HS3ST4: variants seen among roughly 807,000 people sequenced by gnomAD.
HS3ST4 encodes heparan sulfate-glucosamine 3-sulfotransferase 4, also known as heparan sulfate glucosamine 3-O-sulfotransferase 4.
In HS3ST4, 17 loss-of-function variants were observed where a neutral mutation model predicts 29.2. That is an observed-to-expected ratio of 0.58 (90% confidence interval 0.40 to 0.87). HS3ST4 has a LOEUF of 0.87. Among genes scored for constraint, HS3ST4 ranks in the 40% least tolerant of loss-of-function variants. The probability of loss-of-function intolerance (pLI) is 0.00; values close to 1 mark genes in which losing one functional copy is unlikely to be tolerated. For synonymous variants in HS3ST4, 314 were observed against 285.7 expected, an observed-to-expected ratio of 1.10 and a Z score of -1.00; for missense variants, 627 against 634.5, an observed-to-expected ratio of 0.99 and a Z score of 0.13.
chr16:26,122,793 C>T (rs1037317026), intron 1 of HS3ST4, among the ~76,000 whole-genome samples: 2 of 152,016 alleles, frequency 1.3e-5, no homozygotes, highest in Admixed American at 6.6e-5. Flanking sequence ...TGGTGGCTCA[C>T]GTCTGAAATC....
chr16:25,845,158 T>TA (rs1244974626), intron 1 of HS3ST4, among the ~76,000 whole-genome samples: 1 of 152,110 alleles, frequency 6.6e-6, no homozygotes, highest in Non-Finnish European at 1.5e-5. Flanking sequence ...ACACCTTTGT[T>TA]ACCTATGTAA....
chr16:25,794,660 G>GTT (rs371330955), intron 1 of HS3ST4, among the ~76,000 whole-genome samples: 1 of 151,552 alleles, frequency 6.6e-6, no homozygotes, highest in African/African-American at 2.4e-5. Flanking sequence ...ATTTTTCTCT[G>GTT]TTTTTTGTTT....
intron 1 of HS3ST4, among the ~76,000 whole-genome samples, chr16:25,873,480 C>CTCTA (rs1157206082): frequency 0.027 from 1,863 of 69,884 alleles, 44 homozygotes; most frequent in African/African-American, 0.068. Context: ...CCATCTATCT[C>CTCTA]TCTATCTATC....
chr16:25,952,626 T>A (rs1034547809), intron 1 of HS3ST4, among the ~76,000 whole-genome samples: 2 of 152,190 alleles, frequency 1.3e-5, no homozygotes, highest in African/African-American at 4.8e-5. Flanking sequence ...GCCTGGCACA[T>A]AAAAAGAATT....
At chr16:25,907,697 C>T (rs1030490845) in intron 1 of HS3ST4, among the ~76,000 whole-genome samples, 4 of 152,126 alleles carry the variant, frequency 2.6e-5, no homozygotes, top group East Asian at 1.9e-4. Flanking sequence ...CTTCGGCACC[C>T]GGGCCCCCCA....
chr16:25,864,031 G>GCCTCTT (rs562047553), intron 1 of HS3ST4, among the ~76,000 whole-genome samples: 1 of 152,108 alleles, frequency 6.6e-6, no homozygotes, highest in Non-Finnish European at 1.5e-5. Flanking sequence ...TCGCCTCTTC[G>GCCTCTT]CGTGGGCATC....
chr16:26,019,942 C>A (rs1969396473), intron 1 of HS3ST4, among the ~76,000 whole-genome samples: 1 of 152,152 alleles, frequency 6.6e-6, no homozygotes, highest in South Asian at 2.1e-4. Context: ...CTGACTGACA[C>A]CCACTTCACT....
chr16:25,742,497 A>G (rs1460083778), intron 1 of HS3ST4, among the ~76,000 whole-genome samples: 2 of 152,250 alleles, frequency 1.3e-5, no homozygotes, highest in Admixed American at 6.5e-5. Context: ...GAGTAATGCC[A>G]GGGTAAATAC....
At chr16:25,714,553 C>T (rs1205992424) in intron 1 of HS3ST4, among the ~76,000 whole-genome samples, 1 of 152,190 alleles carries the variant, frequency 6.6e-6, no homozygotes, top group Non-Finnish European at 1.5e-5. Flanking sequence ...AGAGATGATG[C>T]AGAACTTGTC....
intron 1 of HS3ST4, among the ~76,000 whole-genome samples, chr16:26,129,795 G>C (rs1427988806): frequency 6.6e-6 from 1 of 152,168 alleles, no homozygotes; most frequent in African/African-American, 2.4e-5. Flanking sequence ...AAAATGCTTG[G>C]AGACGTCAGT....
chr16:25,727,470 A>T (rs1966544199), intron 1 of HS3ST4, among the ~76,000 whole-genome samples: 2 of 152,228 alleles, frequency 1.3e-5, no homozygotes, highest in Admixed American at 1.3e-4. Flanking sequence ...ATGGAAAAAA[A>T]GGTTAGCAAG....
chr16:25,804,332 G>A (rs1842241354), intron 1 of HS3ST4, among the ~76,000 whole-genome samples: 1 of 152,048 alleles, frequency 6.6e-6, no homozygotes, highest in South Asian at 2.1e-4. Flanking sequence ...CTGCAAATTT[G>A]TTTTGCTCAA....
At chr16:26,075,746 T>G (rs1194139879) in intron 1 of HS3ST4, among the ~76,000 whole-genome samples, 1 of 152,194 alleles carries the variant, frequency 6.6e-6, no homozygotes, top group African/African-American at 2.4e-5. Context: ...CCAAAGAACA[T>G]TCCCATGATT....
Position 25,965,771 on chromosome 16 carries a change from C to A in HS3ST4, c.735-169841C>A, listed in dbSNP as rs4073721. ...AGAATCATAATGAACAAAATACTTA[C>A]AAATATACTTGATTGCAACATTATG... On this transcript the variant is annotated intron_variant, in intron 1 of 1. Coordinates refer to ENST00000331351, the MANE Select transcript of HS3ST4 (RefSeq NM_006040.3). 2.6e-5 allele frequency among the ~76,000 whole-genome samples: 4 copies of A among 152,190 alleles called. No individual in the cohort carries two copies. In the East Asian group the frequency reaches 7.7e-4, roughly 29 times the overall value.
chr16:25,723,175 G>T (rs781477481), intron 1 of HS3ST4, among the ~76,000 whole-genome samples: 9 of 152,190 alleles, frequency 5.9e-5, no homozygotes, highest in Non-Finnish European at 1.3e-4. Flanking sequence ...TTCAAGATCA[G>T]ATTTGGGTAG....
At chr16:25,894,202 C>T (rs937755593) in intron 1 of HS3ST4, among the ~76,000 whole-genome samples, 1 of 152,090 alleles carries the variant, frequency 6.6e-6, no homozygotes, top group Non-Finnish European at 1.5e-5. Flanking sequence ...CATCAGATTT[C>T]CAGATGCTGT....
intron 1 of HS3ST4, among the ~76,000 whole-genome samples, chr16:25,868,605 C>T (rs1331688098): frequency 6.6e-6 from 1 of 152,294 alleles, no homozygotes; most frequent in South Asian, 2.1e-4. Flanking sequence ...TGCAAAGGTT[C>T]ACCATGCAAG....
chr16:25,787,399 A>T (rs539642463), intron 1 of HS3ST4, among the ~76,000 whole-genome samples: 1 of 152,334 alleles, frequency 6.6e-6, no homozygotes, highest in South Asian at 2.1e-4. Flanking sequence ...AAGAACATAC[A>T]GTTGAGTGGA....
intron 1 of HS3ST4, among the ~76,000 whole-genome samples, chr16:25,873,865 T>A (rs1368297425): frequency 6.6e-6 from 1 of 152,168 alleles, no homozygotes; most frequent in Non-Finnish European, 1.5e-5. Context: ...GCCTTATACC[T>A]GTTTAGTACA....
Sources: gnomAD v4.1 joint callset for allele counts (sites outside exome capture counted in the v4.1 genomes callset) on GRCh38, gnomAD v4.1.1 for gene constraint, MANE v1.5 for transcripts, NCBI Gene and HGNC (gene_info 2026-07-23, HGNC 2026-07-21) for gene names.